The following ETFB variants were observed in gnomAD, a reference collection of about 807,000 sequenced individuals.
The protein encoded by ETFB is electron transfer flavoprotein subunit beta.
A neutral mutation model predicts 25.6 loss-of-function variants in ETFB; 20 were observed. The ratio of observed to expected loss-of-function variants is 0.78; its 90% confidence interval spans 0.55 to 1.14. The LOEUF (loss-of-function observed/expected upper bound fraction) is 1.14, where lower values mean the gene tolerates loss of function less well. ETFB is among the 50% of genes most tolerant of loss of function. The pLI, the probability that ETFB is intolerant of heterozygous loss-of-function variation, is 0.00. For synonymous variants in ETFB, 142 were observed against 146.7 expected (o/e 0.97, Z 0.23); for missense variants, 286 against 342.6 (o/e 0.83, Z 1.30).
At position 51,353,242 on chromosome 19, in the gene ETFB, C is replaced by T. The variant is rs751703448; in HGVS notation, c.265G>A (p.Val89Met). Residue 89 changes from valine (V) to methionine (M), a missense_variant, in exon 3 of 6, where the codon GTG becomes ATG. By Grantham distance (21) the Val-to-Met change is conservative. Transcript: ENST00000309244. ...LAMGADRGIH[V>M]EVPPAEAERL... ...TCTGCTTCTGCTGGGGGCACCTCCA[C>T]GTGGATACCTCGGTCTGCACCCATG... 27 of 1,613,966 alleles carry T rather than the reference C, an allele frequency of 1.7e-5. No homozygotes were observed. Among genetic ancestry groups the T allele is most frequent in the Middle Eastern group, 3.3e-4 (2 of 6,084 alleles).
At position 51,354,128 on chromosome 19, in the gene ETFB, C is replaced by A. The variant is rs569685850; in HGVS notation, c.216+22G>T. On this transcript the variant is annotated intron_variant, in intron 2 of 5. Transcript: ENST00000309244. ...CTCCGTCAGACCCAGGAGTCCAGCC[C>A]CCTCCCCAAGACCTTCATCACCTGG... 4 of 1,611,994 alleles carry A rather than the reference C, an allele frequency of 2.5e-6. No homozygotes were observed. The South Asian group carries it at 4.4e-5, about 18-fold the overall frequency.
chr19:51,347,043 G>A lies in ETFB; in HGVS notation c.454C>T (p.Gln152Ter). 2.5e-6 allele frequency: 4 copies of A among 1,613,980 alleles called. No homozygotes were observed. Among genetic ancestry groups the A allele is most frequent in the Non-Finnish European group, 3.4e-6 (4 of 1,179,970 alleles). ...LDWPQGTFASQVTLEGDKLKV... is the reference protein window; with the variant it reads ...LDWPQGTFAS ...AACTTGTCCCCCTCCAGCGTCACCT[G>A]GGAGGCGAATGTGCCCTGGGGAGGG... The change falls in exon 5 of 6, where the codon CAG becomes TAG. Residue 152 changes from glutamine to a stop codon, truncating the protein, a stop_gained. Transcript: ENST00000309244. LOFTEE classifies it high-confidence loss of function.
At chr19:51,352,187 C>T (rs1985947380) in intron 3 of ETFB, among the ~76,000 whole-genome samples, 1 of 152,128 alleles carries the variant, frequency 6.6e-6, no homozygotes, top group Non-Finnish European at 1.5e-5. Flanking sequence ...CTCCTGGCCT[C>T]CAATTTCCCA....
chr19:51,354,313 C>A lies in ETFB; in HGVS notation c.58-5G>T. 6.2e-7 allele frequency: 1 copy of A among 1,614,154 alleles called. No individual in the cohort carries two copies. Among genetic ancestry groups the A allele is most frequent in the Non-Finnish European group, 8.5e-7 (1 of 1,180,048 alleles). On this transcript the variant is annotated splice_polypyrimidine_tract_variant and splice_region_variant and intron_variant, in intron 1 of 5. Transcript: ENST00000309244. ...CCTGTCAGGCTTCACTCGGATCTGC[C>A]CAGCAGGAGGGGAAGGGGTGGGGTC... is the stretch of plus-strand genomic sequence containing the variant.
At chr19:51,356,334 C>T (rs1394408096) in intron 1 of ETFB, 1 of 152,128 alleles carries the variant, frequency 6.6e-6, no homozygotes, top group African/African-American at 2.4e-5. Context: ...TCACAAATGC[C>T]ACTGCAGTGT....
chr19:51,350,437 A>C, intron 3 of ETFB, 46 bp from the exon 4 acceptor site: 13 of 1,028,746 alleles, frequency 1.3e-5, no homozygotes, highest in Non-Finnish European at 1.7e-5. Context: ...AGTGGAGCTC[A>C]TGGACCATTC....
At chr19:51,356,282 G>A (rs891898224) in intron 1 of ETFB, 1 of 151,962 alleles carries the variant, frequency 6.6e-6, no homozygotes, top group African/African-American at 2.4e-5. Context: ...AAACGAGCTC[G>A]GATAACACCT....
At chr19:51,354,377 A>T in intron 1 of ETFB, 69 bp from the exon 2 acceptor site, 1 of 1,614,082 alleles carries the variant, frequency 6.2e-7, no homozygotes, top group South Asian at 1.1e-5. Context: ...CTCAGCGCCA[A>T]CCCTCTCCCA....
intron 1 of ETFB, chr19:51,355,767 C>A (rs1255632069): frequency 6.6e-6 from 1 of 151,608 alleles, no homozygotes. Flanking sequence ...CAGCCATAAA[C>A]AATGATGAGT....
At chr19:51,350,506 A>T in intron 3 of ETFB, 115 bp from the exon 4 acceptor site, 1 of 667,954 alleles carries the variant, frequency 1.5e-6, no homozygotes, top group Non-Finnish European at 2.7e-6. Flanking sequence ...TCTTTTTGAG[A>T]CGGAGTCTTG....
At chr19:51,359,478 G>T (rs1490648470) in intron 1 of ETFB, among the ~76,000 whole-genome samples, 1 of 151,916 alleles carries the variant, frequency 6.6e-6, no homozygotes, top group East Asian at 1.9e-4. Context: ...GCTTCTGAAG[G>T]GCCTCAAGCC....
At chr19:51,359,016 GA>G (rs1480427988) in intron 1 of ETFB, among the ~76,000 whole-genome samples, 2 of 151,876 alleles carry the variant, frequency 1.3e-5, no homozygotes, top group East Asian at 3.9e-4. Flanking sequence ...AAAAGAAAAA[GA>G]AAAAGGAGAA....
At chr19:51,366,198 C>T in intron 1 of ETFB, 72 bp downstream of exon 1, 1 of 1,449,302 alleles carries the variant, frequency 6.9e-7, no homozygotes. Flanking sequence ...GACCCCCACC[C>T]AGTGTGCGCT....
intron 1 of ETFB, among the ~76,000 whole-genome samples, chr19:51,359,374 A>G (rs1349711591): frequency 6.6e-6 from 1 of 151,860 alleles, no homozygotes; most frequent in East Asian, 1.9e-4. Flanking sequence ...CTTAAAAAAA[A>G]AAACACAACA....
intron 4 of ETFB, 79 bp from the exon 5 acceptor site, chr19:51,347,137 G>A: frequency 2.1e-6 from 3 of 1,419,406 alleles, no homozygotes; most frequent in Non-Finnish European, 3.0e-6. Context: ...TGCCACTACT[G>A]AGTACACGCA....
At chr19:51,349,790 C>T (rs544229203) in intron 4 of ETFB, among the ~76,000 whole-genome samples, 2 of 152,042 alleles carry the variant, frequency 1.3e-5, no homozygotes, top group African/African-American at 4.8e-5. Context: ...CCTCTGTTGC[C>T]AGGCTGGAGT....
At chr19:51,350,291 G>T (rs1157805141) in intron 4 of ETFB, 38 bp downstream of exon 4, 19 of 1,594,460 alleles carry the variant, frequency 1.2e-5, no homozygotes, top group Non-Finnish European at 1.5e-5. Flanking sequence ...AGGGATGAGG[G>T]CCTGGCCCTC....
At chr19:51,360,717 T>C (rs1233289237) in intron 1 of ETFB, among the ~76,000 whole-genome samples, 1 of 152,246 alleles carries the variant, frequency 6.6e-6, no homozygotes, top group East Asian at 1.9e-4. Flanking sequence ...CTATTTGTTG[T>C]CCACTGCAGG....
chr19:51,354,954 C>A, intron 1 of ETFB: 1 of 341,068 alleles, frequency 2.9e-6, no homozygotes, highest in South Asian at 3.2e-5. Context: ...AACAAACCCA[C>A]GGTTACAGAA....
Sources: allele counts gnomAD v4.1 joint callset (sites outside exome capture counted in the v4.1 genomes callset), GRCh38; gene constraint gnomAD v4.1.1; transcripts MANE v1.5; gene names NCBI Gene and HGNC (gene_info 2026-07-23, HGNC 2026-07-21).